Variants in NR3C1 observed in about 807,000 individuals in gnomAD.
NR3C1 encodes the protein nuclear receptor subfamily 3 group C member 1.
NR3C1 carries 14 observed loss-of-function variants against 74.0 expected under a neutral mutation model. The ratio of observed to expected loss-of-function variants is 0.19; its 90% CI spans 0.12 to 0.30. NR3C1 has a LOEUF of 0.30. Among genes scored for constraint, NR3C1 ranks in the 10% least tolerant of loss-of-function variants. The pLI, the probability that NR3C1 is intolerant of heterozygous loss-of-function variation, is 1.00. For missense variants in NR3C1, 695 were observed against 909.8 expected (o/e 0.76, Z 3.04); for synonymous variants, 308 against 332.5 (o/e 0.93, Z 0.80).
At chr5:143,427,600 C>A (rs1751599481) in intron 1 of NR3C1, among the ~76,000 whole-genome samples, 2 of 152,176 alleles carry the variant, frequency 1.3e-5, no homozygotes, top group South Asian at 4.1e-4. Flanking sequence ...GACCTGCTAG[C>A]AATACCGTTC....
At chr5:143,415,979 T>A (rs1383309385) in intron 1 of NR3C1, among the ~76,000 whole-genome samples, 1 of 152,216 alleles carries the variant, frequency 6.6e-6, no homozygotes, top group Non-Finnish European at 1.5e-5. Flanking sequence ...TTGCTATTGA[T>A]ACAGTTTTGC....
chr5:143,294,591 T>A (rs1816726609), intron 7 of NR3C1, among the ~76,000 whole-genome samples: 1 of 152,214 alleles, frequency 6.6e-6, no homozygotes, highest in Admixed American at 6.5e-5. Context: ...TGTAGTATCA[T>A]ACGAAGTATT....
At chr5:143,433,405 T>TAA (rs1554105533) in intron 1 of NR3C1, among the ~76,000 whole-genome samples, 6 of 145,944 alleles carry the variant, frequency 4.1e-5, no homozygotes, top group African/African-American at 1.2e-4. Context: ...TATATATATA[T>TAA]AATTTATTTA....
chr5:143,336,781 T>A (rs2151726305), intron 2 of NR3C1, among the ~76,000 whole-genome samples: 3 of 150,012 alleles, frequency 2.0e-5, no homozygotes, highest in African/African-American at 7.3e-5. Flanking sequence ...AGTGAGGAGT[T>A]CAAGTCCAGC....
In NR3C1 at chr5:143,402,675, G is replaced by A. The variant is rs554178867; in HGVS notation, c.-14+536C>T. 8 of 985,428 alleles carry A rather than the reference G, an allele frequency of 8.1e-6. No homozygotes were observed. The South Asian group carries it at 3.8e-4, about 46-fold the overall frequency. 61.0% of individuals were successfully genotyped at this position (985,428 alleles called of 1,614,324 possible). Reference sequence around the variant, plus strand: ...CCCCGGCCGCAGTCTCCAAGTTGCGGGCTGTCAGCCCCCCGCGTGTGCACC... The same window carrying A: ...CCCCGGCCGCAGTCTCCAAGTTGCGAGCTGTCAGCCCCCCGCGTGTGCACC... On this transcript the variant is annotated intron_variant, in intron 1 of 8. Transcript: ENST00000394464.
At chr5:143,396,811 C>G (rs995146197) in intron 2 of NR3C1, among the ~76,000 whole-genome samples, 8 of 151,770 alleles carry the variant, frequency 5.3e-5, no homozygotes, top group Non-Finnish European at 1.2e-4. Context: ...TCAACATAAT[C>G]CCAATAAAAG....
At chr5:143,400,889 A>G (rs1840147236) in intron 1 of NR3C1, 37 bp from the exon 2 acceptor site, 3 of 1,481,146 alleles carry the variant, frequency 2.0e-6, no homozygotes, top group Middle Eastern at 1.7e-4. Flanking sequence ...GGAAAACATC[A>G]TAAGCTCTAA....
At chr5:143,284,730 C>T (rs1404952852) in intron 7 of NR3C1, among the ~76,000 whole-genome samples, 1 of 151,956 alleles carries the variant, frequency 6.6e-6, no homozygotes, top group Non-Finnish European at 1.5e-5. Context: ...TCCCCTCCTA[C>T]TGGAAAACTG....
chr5:143,389,792 A>AC (rs1561752120), intron 2 of NR3C1: 3 of 214,958 alleles, frequency 1.4e-5, no homozygotes, highest in Non-Finnish European at 2.4e-5. Flanking sequence ...TAGAAAATCT[A>AC]CCAGCCTCCC....
exon 1 of NR3C1, chr5:143,434,790 A>G (rs1752034950): frequency 3.2e-5 from 32 of 985,340 alleles, no homozygotes; most frequent in Non-Finnish European, 3.7e-5. Context: ...AACTGCTCTG[A>G]GAGCACCAGA....
intron 7 of NR3C1, chr5:143,294,818 C>A (rs1816805767): frequency 1.5e-6 from 1 of 659,862 alleles, no homozygotes; most frequent in African/African-American, 2.0e-5. Context: ...GGCTTGACAG[C>A]TTATTTCTTT....
At chr5:143,347,812 C>A (rs968961981) in intron 2 of NR3C1, among the ~76,000 whole-genome samples, 4 of 152,188 alleles carry the variant, frequency 2.6e-5, no homozygotes, top group African/African-American at 9.6e-5. Flanking sequence ...CCTTCAAAAA[C>A]CAATAGCTTT....
At chr5:143,329,253 C>A (rs1424199664) in intron 2 of NR3C1, among the ~76,000 whole-genome samples, 1 of 152,148 alleles carries the variant, frequency 6.6e-6, no homozygotes, top group Non-Finnish European at 1.5e-5. Flanking sequence ...CATATTTAAA[C>A]CATCAGATGT....
rs981242354 is a variant in NR3C1, at chr5:143,340,808, A to C, written c.1185-26640T>G. Among the ~76,000 whole-genome samples the C allele has an allele frequency of 4.6e-5, 7 of 152,028 alleles. 1 individual carries two copies. The South Asian group carries it at 6.2e-4, about 14-fold the overall frequency. ...AAGGCGATATTTTTTAAAACACATCAATTGATTTACCAAATATATATTTTT... is the reference window on the plus strand; with the variant it reads ...AAGGCGATATTTTTTAAAACACATCCATTGATTTACCAAATATATATTTTT... On this transcript the variant is annotated intron_variant, in intron 2 of 8. Transcript: ENST00000394464.
intron 2 of NR3C1, among the ~76,000 whole-genome samples, chr5:143,316,067 T>G (rs1599879565): frequency 1.3e-5 from 2 of 152,358 alleles, no homozygotes; most frequent in East Asian, 3.9e-4. Flanking sequence ...GTGGACTGAC[T>G]ACACGTCGAA....
chr5:143,317,005 G>C (rs534937895), intron 2 of NR3C1, among the ~76,000 whole-genome samples: 1 of 152,104 alleles, frequency 6.6e-6, no homozygotes, highest in Non-Finnish European at 1.5e-5. Flanking sequence ...CCTCAATCAG[G>C]CTTTTGGCAT....
chr5:143,342,113 T>C (rs766044787), intron 2 of NR3C1, among the ~76,000 whole-genome samples: 1 of 151,990 alleles, frequency 6.6e-6, no homozygotes, highest in African/African-American at 2.4e-5. Context: ...AAAGGTGCCA[T>C]GCAGGTGTTT....
At chr5:143,282,212 T>C (rs1562688997) in intron 8 of NR3C1, among the ~76,000 whole-genome samples, 171 bp from the exon 9 acceptor site, 1 of 152,206 alleles carries the variant, frequency 6.6e-6, no homozygotes, top group South Asian at 2.1e-4. Context: ...TTATATTTCT[T>C]TGATTGTATG....
intron 2 of NR3C1, among the ~76,000 whole-genome samples, chr5:143,377,494 C>T (rs1023723644): frequency 6.6e-6 from 1 of 152,248 alleles, no homozygotes; most frequent in African/African-American, 2.4e-5. Context: ...TATTCTTCAG[C>T]ACCTGCTACA....
Sources: allele counts gnomAD v4.1 joint callset (sites outside exome capture counted in the v4.1 genomes callset), GRCh38; gene constraint gnomAD v4.1.1; transcripts MANE v1.5; gene names NCBI Gene and HGNC (gene_info 2026-07-23, HGNC 2026-07-21).